Variants in NPIPB4 observed in about 807,000 individuals in gnomAD.
The protein encoded by NPIPB4 is nuclear pore complex interacting protein family member B4.
For missense variants in NPIPB4, 105 were observed against 513.7 expected (o/e 0.20, Z 7.69); for synonymous variants, 31 against 194.1 (o/e 0.16, Z 6.99).
intron 2 of NPIPB4, among the ~76,000 whole-genome samples, chr16:21,850,329 C>T (rs1902393754): frequency 6.7e-6 from 1 of 148,884 alleles, no homozygotes; most frequent in Non-Finnish European, 1.5e-5. Context: ...GGTGTATGTA[C>T]TTTCCAAAGT....
Position 21,835,896 on chromosome 16 carries a change from C to G in NPIPB4, c.2491G>C (p.Glu831Gln). Residue 831 changes from glutamate to glutamine, a missense_variant, in exon 8 of 8, where the codon GAG becomes CAG. Coordinates refer to ENST00000682606, the MANE Select transcript of NPIPB4 (RefSeq NM_001384980.1). Reference sequence around the variant, plus strand: ...GGTGGAAGCGGCCCCCGCAGACGCTCCCCGCAGACGCTCGGCAGGTGTCTT... The same window carrying G: ...GGTGGAAGCGGCCCCCGCAGACGCTGCCCGCAGACGCTCGGCAGGTGTCTT... ...ISRHLPSVCG[E>Q]RLRGPLPPSA... The G allele has an allele frequency of 8.0e-7, 1 of 1,256,324 alleles. No homozygotes were observed. The highest frequency in any genetic ancestry group is 1.0e-6 in the Non-Finnish European group (1 of 958,654). 77.8% of individuals were successfully genotyped at this position (1,256,324 alleles called of 1,614,324 possible). A position where few individuals can be genotyped will look rare whatever the true frequency, so the allele number is the denominator to read the frequency against.
chr16:21,837,358 G>C lies in NPIPB4; in HGVS notation c.1029C>G (p.Pro343=). Residue 343 remains proline (P), a synonymous_variant, in exon 8 of 8, where the codon CCC becomes CCG. Transcript: ENST00000682606. ...PSADDKLKTP[P]ECLLTPLPPS... Reference sequence around the variant, plus strand: ...GTGGAAGGGGAGTGAGCAGACACTCGGGAGGTGTCTTGAGTTTATCATCCG... The same window carrying C: ...GTGGAAGGGGAGTGAGCAGACACTCCGGAGGTGTCTTGAGTTTATCATCCG... 7.5e-7 allele frequency: 1 copy of C among 1,341,978 alleles called. No homozygotes were observed. The highest frequency in any genetic ancestry group is 9.4e-7 in the Non-Finnish European group (1 of 1,068,548). 83.1% of individuals were successfully genotyped at this position (1,341,978 alleles called of 1,614,324 possible). A position where few individuals can be genotyped will look rare whatever the true frequency, so the allele number is the denominator to read the frequency against.
At chr16:21,840,254 A>G (rs1262143481) in intron 5 of NPIPB4, among the ~76,000 whole-genome samples, 6 of 43,984 alleles carry the variant, frequency 1.4e-4, no homozygotes, top group Admixed American at 1.2e-3. Context: ...GGGTCTAAAT[A>G]CTGTACAAAG....
At chr16:21,850,457 T>C (rs1414558820) in intron 2 of NPIPB4, among the ~76,000 whole-genome samples, 4 of 151,724 alleles carry the variant, frequency 2.6e-5, no homozygotes, top group African/African-American at 7.3e-5. Flanking sequence ...GAGACTATCC[T>C]GGCGAACATG....
chr16:21,841,907 C>T (rs1901824029), intron 5 of NPIPB4, among the ~76,000 whole-genome samples: 1 of 151,584 alleles, frequency 6.6e-6, no homozygotes. Flanking sequence ...GCGACCCATA[C>T]TGAAGTCCGC....
At chr16:21,841,739 C>A (rs1453379174) in intron 5 of NPIPB4, among the ~76,000 whole-genome samples, 5 of 137,496 alleles carry the variant, frequency 3.6e-5, no homozygotes, top group African/African-American at 1.3e-4. Context: ...AAGAAGGAAA[C>A]CCAGGACGAA....
At chr16:21,849,562 TC>T (rs1227895029) in intron 2 of NPIPB4, among the ~76,000 whole-genome samples, 25 of 55,892 alleles carry the variant, frequency 4.5e-4, no homozygotes, top group African/African-American at 1.5e-3. Context: ...TGATATTAAT[TC>T]CATTAGACTC....
intron 2 of NPIPB4, among the ~76,000 whole-genome samples, chr16:21,849,914 TAAGA>T (rs1902338384): frequency 5.5e-5 from 1 of 18,334 alleles, no homozygotes; most frequent in African/African-American, 1.4e-4. Context: ...TAACCTATGA[TAAGA>T]AAGAGACTGG....
intron 5 of NPIPB4, among the ~76,000 whole-genome samples, chr16:21,840,190 C>T (rs1209404734): frequency 3.0e-4 from 5 of 16,756 alleles, no homozygotes; most frequent in South Asian, 1.9e-3. Context: ...AACTCTCTCT[C>T]GCTCTCTCTC....
chr16:21,850,126 T>G (rs1437906122), intron 2 of NPIPB4, among the ~76,000 whole-genome samples: 1 of 116,692 alleles, frequency 8.6e-6, no homozygotes, highest in Non-Finnish European at 1.8e-5. Context: ...CTGGGAGTGG[T>G]GCCACATGTC....
At chr16:21,851,440 G>A (rs1902521838) in intron 2 of NPIPB4, 1 of 109,024 alleles carries the variant, frequency 9.2e-6, no homozygotes, top group African/African-American at 8.1e-5. Flanking sequence ...CTCAAGCGCT[G>A]GTGGAAGGTT....
chr16:21,846,029 G>C (rs1437975980), intron 3 of NPIPB4, among the ~76,000 whole-genome samples: 1 of 138,050 alleles, frequency 7.2e-6, no homozygotes, highest in Admixed American at 7.7e-5. Flanking sequence ...ACAAAAATTA[G>C]CTGGGCATGG....
chr16:21,850,498 A>T (rs1597918966), intron 2 of NPIPB4, among the ~76,000 whole-genome samples: 1 of 151,894 alleles, frequency 6.6e-6, no homozygotes, highest in East Asian at 1.9e-4. Context: ...AAAACACAAA[A>T]ATTAGCCAGG....
At chr16:21,843,146 A>G (rs1901956106) in intron 5 of NPIPB4, among the ~76,000 whole-genome samples, 2 of 129,630 alleles carry the variant, frequency 1.5e-5, no homozygotes, top group Non-Finnish European at 1.6e-5. Context: ...AAAAAAAAAG[A>G]GAAAGGAAAA....
intron 5 of NPIPB4, among the ~76,000 whole-genome samples, chr16:21,843,118 A>G (rs1444098415): frequency 1.7e-3 from 195 of 115,742 alleles, no homozygotes; most frequent in African/African-American, 5.4e-3. Context: ...GCAAAGCTCC[A>G]TCTCAGGAAA....
At chr16:21,840,610 A>G (rs1901685891) in intron 5 of NPIPB4, among the ~76,000 whole-genome samples, 1 of 141,524 alleles carries the variant, frequency 7.1e-6, no homozygotes, top group South Asian at 2.4e-4. Context: ...GGACAAAAAA[A>G]AGTCACACTC....
At chr16:21,849,989 T>C (rs1210216838) in intron 2 of NPIPB4, among the ~76,000 whole-genome samples, 397 of 9,910 alleles carry the variant, frequency 0.04, no homozygotes, top group African/African-American at 0.12. Context: ...TGGCTGGGCA[T>C]GGTGGTTCAC....
intron 2 of NPIPB4, among the ~76,000 whole-genome samples, chr16:21,850,621 G>A (rs1244759974): frequency 7.5e-5 from 7 of 93,170 alleles, no homozygotes; most frequent in East Asian, 6.4e-4. Flanking sequence ...GCAGTGAGCC[G>A]AGATCTTGCC....
rs1597919131 is a variant in NPIPB4 at position 21,850,591 on chromosome 16, G to T, written c.121-3050C>A. On this transcript the variant is annotated intron_variant, in intron 2 of 7. Transcript: ENST00000682606. ...GGAGGCTGAGGCAGGACAATTGCTT[G>T]AACCCCAGAAGCGGAGGTTGCAGTG... Among the ~76,000 whole-genome samples the T allele has an allele frequency of 2.2e-4, 29 of 131,962 alleles. No homozygotes were observed. In the South Asian group the frequency reaches 7.0e-3, roughly 32 times the overall value. 86.6% of individuals were successfully genotyped at this position (131,962 alleles called of 152,430 possible).
Sources: allele counts gnomAD v4.1 joint callset (sites outside exome capture counted in the v4.1 genomes callset), GRCh38; gene constraint gnomAD v4.1.1; transcripts MANE v1.5; gene names NCBI Gene and HGNC (gene_info 2026-07-23, HGNC 2026-07-21).